The following FRMD5 variants were observed in gnomAD, a reference collection of about 807,000 sequenced individuals.
FRMD5 encodes the protein FERM domain containing 5, also known as FERM domain-containing protein 5.
In FRMD5, 20 loss-of-function variants were observed where a neutral mutation model predicts 69.0. The ratio of observed to expected loss-of-function variants is 0.29; its 90% confidence interval spans 0.20 to 0.42. The LOEUF is 0.42. FRMD5 is among the 10% of genes least tolerant of loss of function. The pLI, the probability that FRMD5 is intolerant of heterozygous loss-of-function variation, is 1.00. For synonymous variants in FRMD5, 271 were observed against 260.1 expected (o/e 1.04, Z -0.40); for missense variants, 595 against 708.6 (o/e 0.84, Z 1.82).
Position 43,872,948 on chromosome 15 carries a change from A to C in FRMD5, c.*937T>G. 4 of 513,568 alleles carry C rather than the reference A, an allele frequency of 7.8e-6. No individual in the cohort carries two copies. The East Asian group carries it at 1.2e-4, about 15-fold the overall frequency. 31.8% of individuals were successfully genotyped at this position (513,568 alleles called of 1,614,324 possible). ...AAATAAGCACTGCTATCCAAATCTC[A>C]ACAGTCTCTCAGGTAACTTAACTCT... On this transcript the variant is annotated 3_prime_UTR_variant, in exon 14 of 14. Coordinates refer to ENST00000417257, the MANE Select transcript of FRMD5 (RefSeq NM_032892.5).
At chr15:43,886,383 A>G (rs2088664452) in intron 10 of FRMD5, among the ~76,000 whole-genome samples, 1 of 152,192 alleles carries the variant, frequency 6.6e-6, no homozygotes, top group South Asian at 2.1e-4. Context: ...TCCGTCATGT[A>G]TTTGAATTTG....
In FRMD5 at chr15:43,899,900, C is replaced by T. The variant is rs138452167; in HGVS notation, c.639+2275G>A. On this transcript the variant is annotated intron_variant, in intron 7 of 13. Coordinates refer to ENST00000417257, the MANE Select transcript of FRMD5 (RefSeq NM_032892.5). Reference sequence around the variant, plus strand: ...ACAGCTTCCAGAATCCCGTGGGCAACGGTGGAGAATCCCTTTCCCCGCTCT... The same window carrying T: ...ACAGCTTCCAGAATCCCGTGGGCAATGGTGGAGAATCCCTTTCCCCGCTCT... Among the ~76,000 whole-genome samples, 694 of 152,270 alleles carry T rather than the reference C, an allele frequency of 4.6e-3. 10 individuals are homozygous for T. The highest frequency in any genetic ancestry group is 0.016 in the African/African-American group (662 of 41,536).
At chr15:43,900,962 T>C (rs1260979119) in intron 7 of FRMD5, among the ~76,000 whole-genome samples, 1 of 152,196 alleles carries the variant, frequency 6.6e-6, no homozygotes, top group Admixed American at 6.5e-5. Context: ...AAAATTCATA[T>C]GTTGACATTG....
chr15:44,158,725 C>T (rs1253313461), intron 1 of FRMD5, among the ~76,000 whole-genome samples: 1 of 152,184 alleles, frequency 6.6e-6, no homozygotes, highest in Non-Finnish European at 1.5e-5. Context: ...GACCTGCTAC[C>T]TGATTTCCAT....
At chr15:43,924,854 T>C (rs1483612793) in intron 1 of FRMD5, among the ~76,000 whole-genome samples, 1 of 152,164 alleles carries the variant, frequency 6.6e-6, no homozygotes, top group East Asian at 1.9e-4. Flanking sequence ...ACATCATCTC[T>C]TTCTTGCTGA....
chr15:43,975,379 G>A (rs377678652), intron 1 of FRMD5, among the ~76,000 whole-genome samples: 9 of 152,186 alleles, frequency 5.9e-5, no homozygotes, highest in East Asian at 5.8e-4. Context: ...CAAAATAGAC[G>A]AAACATAAGA....
intron 1 of FRMD5, among the ~76,000 whole-genome samples, chr15:44,020,872 T>C (rs978971288): frequency 1.3e-5 from 2 of 152,140 alleles, no homozygotes; most frequent in Non-Finnish European, 2.9e-5. Flanking sequence ...GAACTCAGAG[T>C]TGGCGAAAAA....
At chr15:43,984,247 T>C (rs1016749794) in intron 1 of FRMD5, among the ~76,000 whole-genome samples, 1 of 152,206 alleles carries the variant, frequency 6.6e-6, no homozygotes, top group African/African-American at 2.4e-5. Flanking sequence ...GAGTCTTCAG[T>C]TGTGAGAATA....
intron 1 of FRMD5, among the ~76,000 whole-genome samples, chr15:44,044,191 T>C (rs1892329419): frequency 6.6e-6 from 1 of 152,114 alleles, no homozygotes; most frequent in Non-Finnish European, 1.5e-5. Flanking sequence ...CACTGGTCAT[T>C]AGAGAAATGC....
chr15:44,127,334 T>G (rs932421307), intron 1 of FRMD5, among the ~76,000 whole-genome samples: 2 of 152,238 alleles, frequency 1.3e-5, no homozygotes, highest in African/African-American at 4.8e-5. Context: ...TCAAGTGATC[T>G]GCCCGCCTTG....
intron 1 of FRMD5, among the ~76,000 whole-genome samples, chr15:44,006,162 A>G (rs1324822538): frequency 2.0e-5 from 3 of 152,244 alleles, no homozygotes; most frequent in South Asian, 2.1e-4. Context: ...CTCATTTACC[A>G]TTCTAAAAAT....
chr15:44,008,162 G>A (rs1890549220), intron 1 of FRMD5, among the ~76,000 whole-genome samples: 1 of 145,144 alleles, frequency 6.9e-6, no homozygotes, highest in South Asian at 2.2e-4. Flanking sequence ...CAAACTCCTG[G>A]ACTCAGGTGA....
At chr15:44,189,253 AACAATT>A (rs1182174353) in intron 1 of FRMD5, among the ~76,000 whole-genome samples, 20 of 152,300 alleles carry the variant, frequency 1.3e-4, no homozygotes, top group African/African-American at 4.8e-4. Flanking sequence ...GAAATAATAC[AACAATT>A]ACAACTGTTG....
At position 44,004,766 on chromosome 15, in the gene FRMD5, CAT is replaced by C. The variant is rs1219164901; in HGVS notation, c.103-80459_103-80458del. Among the ~76,000 whole-genome samples the C allele has an allele frequency of 4.6e-5, 7 of 152,310 alleles. No homozygotes were observed. The South Asian group carries it at 1.0e-3, about 23-fold the overall frequency. On this transcript the variant is annotated intron_variant, in intron 1 of 13. Transcript: ENST00000417257. ...AGTGTTCAAGTAAGAGGAAAAGTCACATGTCTTTAACTTTAAATCAAAAGCTA... is the reference window on the plus strand; with the variant it reads ...AGTGTTCAAGTAAGAGGAAAAGTCACGTCTTTAACTTTAAATCAAAAGCTA...
At position 43,874,278 on chromosome 15, in the gene FRMD5, C is replaced by T. The variant is rs368321218; in HGVS notation, c.1320G>A (p.Leu440=). ...TCTGCCGGGAAAGCAACATCAGCTC[C>T]AGGCTGTGCTCAGCCACAGGGGTGG... is the stretch of plus-strand genomic sequence containing the variant. ...VLPTPVAEHS[L]ELMLLSRQIN... The change falls in exon 14 of 14, where the codon CTG becomes CTA. Residue 440 remains leucine (L), a synonymous_variant. Coordinates refer to ENST00000417257, the MANE Select transcript of FRMD5 (RefSeq NM_032892.5). 11 of 1,614,092 alleles carry T rather than the reference C, an allele frequency of 6.8e-6. No homozygotes were observed. The East Asian group carries it at 2.2e-4, about 33-fold the overall frequency.
At chr15:44,155,310 T>C (rs2077509400) in intron 1 of FRMD5, among the ~76,000 whole-genome samples, 1 of 151,826 alleles carries the variant, frequency 6.6e-6, no homozygotes, top group Non-Finnish European at 1.5e-5. Context: ...CACGTGCCTG[T>C]AGTCCCAGCT....
At chr15:44,083,107 G>A (rs1215257888) in intron 1 of FRMD5, among the ~76,000 whole-genome samples, 1 of 151,946 alleles carries the variant, frequency 6.6e-6, no homozygotes, top group African/African-American at 2.4e-5. Context: ...AGATTAAAAT[G>A]CCCTTCTTTT....
At chr15:43,877,452 G>A (rs1033895298) in intron 13 of FRMD5, among the ~76,000 whole-genome samples, 6 of 152,180 alleles carry the variant, frequency 3.9e-5, no homozygotes, top group Non-Finnish European at 7.3e-5. Context: ...TGGCTTGGCC[G>A]TTTGCACCCA....
chr15:43,885,778 G>A, intron 10 of FRMD5, 23 bp from the exon 11 acceptor site: 1 of 1,600,424 alleles, frequency 6.2e-7, no homozygotes. Context: ...AAAGTCCAGT[G>A]TGATAGACAG....
Sources: allele counts gnomAD v4.1 joint callset (sites outside exome capture counted in the v4.1 genomes callset), GRCh38; gene constraint gnomAD v4.1.1; transcripts MANE v1.5; gene names NCBI Gene and HGNC (gene_info 2026-07-23, HGNC 2026-07-21).